Variants in CIROZ observed in about 807,000 individuals in gnomAD.
The protein encoded by CIROZ is ciliated left-right organizer ZP-N domains-containing protein.
At chr1:10,968,206 G>A in the CIROZ span, among the ~76,000 whole-genome samples, 6 of 152,038 alleles carry the variant, frequency 3.9e-5, no homozygotes, top group Non-Finnish European at 7.4e-5. Context: ...AAATAAAGGG[G>A]GCTATCTCTG....
the CIROZ span, among the ~76,000 whole-genome samples, chr1:10,972,634 G>A: frequency 2.0e-5 from 3 of 152,304 alleles, no homozygotes; most frequent in East Asian, 3.9e-4. Flanking sequence ...GACCTGGGGC[G>A]AGTCATTTAA....
At chr1:10,957,960 T>C in the CIROZ span, among the ~76,000 whole-genome samples, 2 of 152,160 alleles carry the variant, frequency 1.3e-5, no homozygotes, top group African/African-American at 2.4e-5. Context: ...AGGAGGTCCC[T>C]TGCAGGGGTG....
the CIROZ span, chr1:10,970,239 T>A: frequency 5.4e-6 from 4 of 743,860 alleles, no homozygotes; most frequent in Non-Finnish European, 4.2e-6. Flanking sequence ...CATGTAGGGG[T>A]CATATTGTCC....
the CIROZ span, among the ~76,000 whole-genome samples, chr1:10,954,629 C>T: frequency 1.3e-5 from 2 of 152,262 alleles, no homozygotes; most frequent in African/African-American, 2.4e-5. Flanking sequence ...CTGCCCTCCA[C>T]ATTTCTTTCT....
At chr1:10,954,187 G>C in the CIROZ span, 1 of 1,583,416 alleles carries the variant, frequency 6.3e-7, no homozygotes, top group Non-Finnish European at 8.6e-7. Context: ...TGGGCGCAGT[G>C]GCTCACGCCT....
the CIROZ span, chr1:10,948,702 G>A: frequency 1.3e-6 from 2 of 1,584,858 alleles, no homozygotes; most frequent in Non-Finnish European, 1.7e-6. Flanking sequence ...CGTGGCTGGA[G>A]GTGTGGGGTG....
the CIROZ span, among the ~76,000 whole-genome samples, chr1:10,951,071 C>A: frequency 6.6e-6 from 1 of 152,290 alleles, no homozygotes; most frequent in Admixed American, 6.5e-5. Context: ...CTTATCCTCC[C>A]CACTGTCCCG....
At chr1:10,971,148 C>CA in the CIROZ span, among the ~76,000 whole-genome samples, 1,076 of 104,924 alleles carry the variant, frequency 0.01, 9 homozygotes, top group Non-Finnish European at 0.014. Flanking sequence ...GACTCCACCT[C>CA]AAAAAAAAAA....
chr1:10,978,793 G>A, the CIROZ span, among the ~76,000 whole-genome samples: 8 of 152,226 alleles, frequency 5.3e-5, no homozygotes, highest in South Asian at 1.5e-3. Flanking sequence ...GCAAACAGTC[G>A]GAAATGAGTT....
At chr1:10,950,945 C>T in the CIROZ span, among the ~76,000 whole-genome samples, 39,624 of 152,080 alleles carry the variant, frequency 0.26, 5,841 homozygotes, top group South Asian at 0.45. Flanking sequence ...CTAAGCGAGG[C>T]TGCTCCACTT....
At chr1:10,956,609 A>G in the CIROZ span, among the ~76,000 whole-genome samples, 132 of 151,528 alleles carry the variant, frequency 8.7e-4, 2 homozygotes, top group Admixed American at 3.0e-3. Context: ...CTGAGTAGCT[A>G]GGACTACAGG....
At chr1:10,976,798 C>G in the CIROZ span, among the ~76,000 whole-genome samples, 22 of 151,300 alleles carry the variant, frequency 1.5e-4, no homozygotes, top group Non-Finnish European at 2.5e-4. Flanking sequence ...TGGTGAGATA[C>G]AGAGAGCCTG....
the CIROZ span, chr1:10,954,119 G>T: frequency 6.2e-7 from 1 of 1,612,826 alleles, no homozygotes; most frequent in East Asian, 2.2e-5. Context: ...GTGTTCCCGG[G>T]GTTCCTCCGA....
chr1:10,958,741 G>T, the CIROZ span: 1 of 1,614,054 alleles, frequency 6.2e-7, no homozygotes, highest in Non-Finnish European at 8.5e-7. Context: ...ACAGGGGCAG[G>T]GGCCGGGAGA....
chr1:10,973,215 A>G, the CIROZ span, among the ~76,000 whole-genome samples: 1 of 152,110 alleles, frequency 6.6e-6, no homozygotes, highest in African/African-American at 2.4e-5. Context: ...TCTACTAAAA[A>G]TACAAAAATT....
At chr1:10,958,083 CCT>C in the CIROZ span, among the ~76,000 whole-genome samples, 2 of 152,188 alleles carry the variant, frequency 1.3e-5, no homozygotes, top group African/African-American at 4.8e-5. Flanking sequence ...CAACTGGAGT[CCT>C]GTCCTTGGCT....
At chr1:10,964,034 G>A in the CIROZ span, 1 of 1,473,092 alleles carries the variant, frequency 6.8e-7, no homozygotes, top group Non-Finnish European at 9.2e-7. Context: ...CACGTCCTGT[G>A]GTGCAGGAGC....
chr1:10,977,895 C>T, the CIROZ span, among the ~76,000 whole-genome samples: 3 of 152,030 alleles, frequency 2.0e-5, no homozygotes, highest in Non-Finnish European at 4.4e-5. Context: ...TTTTGCCAGG[C>T]GCTGTGGTTC....
chr1:10,954,473 G>GA, the CIROZ span, among the ~76,000 whole-genome samples: 135 of 107,958 alleles, frequency 1.3e-3, no homozygotes, highest in African/African-American at 3.9e-3. Flanking sequence ...AAAAAGAAAA[G>GA]AAAAGAAAAG....
Sources: gnomAD v4.1 joint callset for allele counts (sites outside exome capture counted in the v4.1 genomes callset) on GRCh38, gnomAD v4.1.1 for gene constraint, MANE v1.5 for transcripts, NCBI Gene and HGNC (gene_info 2026-07-23, HGNC 2026-07-21) for gene names.